CAST: variants seen among roughly 807,000 people sequenced by gnomAD.
The protein encoded by CAST is MIR583 host.
In CAST, 76 loss-of-function variants were observed where a neutral mutation model predicts 119.6. That is an observed-to-expected ratio of 0.64 (90% CI 0.53 to 0.77). The LOEUF is 0.77. Ranked by LOEUF, CAST falls within the 30% of genes least tolerant of loss-of-function variation. CAST has a pLI of 0.00. For missense variants in CAST, 953 were observed against 946.5 expected, an observed-to-expected ratio of 1.01 and a Z score of -0.09; for synonymous variants, 319 against 331.6, an observed-to-expected ratio of 0.96 and a Z score of 0.41.
chr5:96,441,606 A>G, the CAST span, among the ~76,000 whole-genome samples: 4 of 152,132 alleles, frequency 2.6e-5, no homozygotes. Flanking sequence ...CTCTAAACAC[A>G]TTTATTGAAA....
the CAST span, among the ~76,000 whole-genome samples, chr5:96,059,971 A>G: frequency 3.3e-5 from 5 of 152,162 alleles, no homozygotes; most frequent in African/African-American, 1.2e-4. Flanking sequence ...AATAAATGAA[A>G]AAAACCATAC....
At chr5:96,175,136 T>A in the CAST span, among the ~76,000 whole-genome samples, 1 of 152,212 alleles carries the variant, frequency 6.6e-6, no homozygotes, top group African/African-American at 2.4e-5. Flanking sequence ...AATAGTATAC[T>A]AAGAAAATGT....
At chr5:96,704,717 G>A (rs1034939011) in intron 3 of CAST, among the ~76,000 whole-genome samples, 3 of 152,194 alleles carry the variant, frequency 2.0e-5, no homozygotes, top group Middle Eastern at 6.8e-3. Context: ...TTTAGCATTG[G>A]TGTGTCTAAC....
chr5:96,486,422 T>C, the CAST span, among the ~76,000 whole-genome samples: 5 of 152,128 alleles, frequency 3.3e-5, no homozygotes, highest in African/African-American at 1.2e-4. Flanking sequence ...AGACACACCA[T>C]TTTACTAGGT....
the CAST span, among the ~76,000 whole-genome samples, chr5:96,153,377 C>A: frequency 1.1e-3 from 173 of 152,288 alleles, no homozygotes; most frequent in African/African-American, 3.9e-3. Context: ...TCTGTCCCAA[C>A]GCACTCAGGT....
chr5:96,583,174 A>G (rs529427940), intron 1 of CAST, among the ~76,000 whole-genome samples: 86 of 150,694 alleles, frequency 5.7e-4, no homozygotes, highest in South Asian at 1.7e-3. Flanking sequence ...ATTTAAGTGT[A>G]TTTTATTCTT....
chr5:96,622,030 C>T (rs2611716), intron 1 of CAST, among the ~76,000 whole-genome samples: 18,252 of 131,662 alleles, frequency 0.14, 1,233 homozygotes, highest in Middle Eastern at 0.24. Flanking sequence ...AGTGCAGTGG[C>T]GCAATCTCGG....
the CAST span, among the ~76,000 whole-genome samples, chr5:96,251,463 G>T: frequency 6.6e-6 from 1 of 151,980 alleles, no homozygotes; most frequent in African/African-American, 2.4e-5. Context: ...CCCAAAGATC[G>T]CAGATTTCAC....
At chr5:96,357,717 G>C in the CAST span, among the ~76,000 whole-genome samples, 1 of 152,078 alleles carries the variant, frequency 6.6e-6, no homozygotes, top group Non-Finnish European at 1.5e-5. Flanking sequence ...TTGTCGTGCT[G>C]CTAGATTTGG....
the CAST span, among the ~76,000 whole-genome samples, chr5:96,178,706 T>A: frequency 6.6e-6 from 1 of 152,300 alleles, no homozygotes. Context: ...GAAGACAATC[T>A]GAAGGGGAGG....
the CAST span, among the ~76,000 whole-genome samples, chr5:96,027,514 T>C: frequency 6.6e-6 from 1 of 151,838 alleles, no homozygotes; most frequent in Admixed American, 6.6e-5. Context: ...TCAGAAAGAA[T>C]CAAAGATTGG....
the CAST span, among the ~76,000 whole-genome samples, chr5:96,339,544 A>C: frequency 6.6e-6 from 1 of 152,248 alleles, no homozygotes; most frequent in South Asian, 2.1e-4. Context: ...AAAACCCAAA[A>C]GTGCAAAGAG....
the CAST span, among the ~76,000 whole-genome samples, chr5:96,338,810 G>T: frequency 4.5e-4 from 69 of 152,238 alleles, no homozygotes; most frequent in Middle Eastern, 3.4e-3. Context: ...CTAGAGACTT[G>T]GCTCCTGGTG....
At chr5:96,741,145 A>G in intron 13 of CAST, 121 bp from the exon 14 acceptor site, 1 of 645,044 alleles carries the variant, frequency 1.6e-6, no homozygotes, top group Middle Eastern at 4.1e-4. Context: ...TGTTTCATTA[A>G]CACACCTCAT....
chr5:96,179,336 CCT>C, the CAST span, among the ~76,000 whole-genome samples: 2 of 152,108 alleles, frequency 1.3e-5, no homozygotes, highest in Non-Finnish European at 2.9e-5. Flanking sequence ...TCTTGAATGC[CCT>C]CTCTCTGTCC....
chr5:96,401,411 T>A, the CAST span, among the ~76,000 whole-genome samples: 39 of 152,308 alleles, frequency 2.6e-4, no homozygotes, highest in African/African-American at 9.1e-4. Context: ...TGAGGAGTAT[T>A]GGGCCAGAGC....
the CAST span, among the ~76,000 whole-genome samples, chr5:96,491,643 G>A: frequency 6.6e-6 from 1 of 151,708 alleles, no homozygotes; most frequent in East Asian, 1.9e-4. Flanking sequence ...ATATTCCTGT[G>A]ACACAGTAAT....
chr5:96,018,139 C>T, the CAST span, among the ~76,000 whole-genome samples: 1 of 152,192 alleles, frequency 6.6e-6, no homozygotes, highest in Non-Finnish European at 1.5e-5. Context: ...ACATTGACGT[C>T]ATGCAGAAGA....
chr5:96,072,637 G>C, the CAST span, among the ~76,000 whole-genome samples: 1 of 152,202 alleles, frequency 6.6e-6, no homozygotes, highest in Admixed American at 6.5e-5. Context: ...CCCTGGCATA[G>C]CTGTGTACTT....
Sources: gnomAD v4.1 joint callset for allele counts (sites outside exome capture counted in the v4.1 genomes callset) on GRCh38, gnomAD v4.1.1 for gene constraint, MANE v1.5 for transcripts, NCBI Gene and HGNC (gene_info 2026-07-23, HGNC 2026-07-21) for gene names.